Variants in UBAC2 observed in about 807,000 individuals in gnomAD.
UBAC2 encodes ubiquitin-associated domain-containing protein 2.
A neutral mutation model predicts 44.0 loss-of-function variants in UBAC2; 26 were observed. The ratio of observed to expected loss-of-function variants is 0.59; its 90% confidence interval spans 0.43 to 0.82. The LOEUF (loss-of-function observed/expected upper bound fraction) is 0.82. UBAC2 is among the 40% of genes least tolerant of loss of function. The pLI, the probability that UBAC2 is intolerant of heterozygous loss-of-function variation, is 0.00. For synonymous variants in UBAC2, 155 were observed against 154.3 expected (o/e 1.00, Z -0.04); for missense variants, 329 against 419.4 (o/e 0.78, Z 1.88).
At chr13:99,273,793 A>C (rs1167633246) in intron 4 of UBAC2, among the ~76,000 whole-genome samples, 3 of 146,516 alleles carry the variant, frequency 2.0e-5, no homozygotes, top group African/African-American at 7.6e-5. Context: ...CTCCTCTTCC[A>C]TTTTTCTCAG....
chr13:99,254,999 GTT>G, intron 4 of UBAC2: 1 of 1,614,144 alleles, frequency 6.2e-7, no homozygotes, highest in South Asian at 1.1e-5. Context: ...GCCTGAAATT[GTT>G]TTGAAACGAT....
chr13:99,329,919 T>C (rs2044690813), intron 6 of UBAC2, among the ~76,000 whole-genome samples: 1 of 152,222 alleles, frequency 6.6e-6, no homozygotes, highest in African/African-American at 2.4e-5. Flanking sequence ...GGTAATTTGT[T>C]GCTCAGTAAT....
chr13:99,361,940 G>A (rs1016482294), intron 7 of UBAC2, among the ~76,000 whole-genome samples: 7 of 152,146 alleles, frequency 4.6e-5, no homozygotes, highest in African/African-American at 1.7e-4. Context: ...GGACTGCAGT[G>A]CGCCATGATT....
intron 7 of UBAC2, among the ~76,000 whole-genome samples, chr13:99,358,504 T>C (rs1225706001): frequency 6.6e-6 from 1 of 152,226 alleles, no homozygotes; most frequent in Non-Finnish European, 1.5e-5. Context: ...AAAACATGGT[T>C]ATTTTTTATT....
chr13:99,326,534 C>A (rs565429485), intron 6 of UBAC2, among the ~76,000 whole-genome samples: 3 of 152,164 alleles, frequency 2.0e-5, no homozygotes, highest in Admixed American at 1.3e-4. Context: ...TTAATATTAT[C>A]AAAAAATAAT....
chr13:99,212,986 A>T (rs1018415931), intron 1 of UBAC2, among the ~76,000 whole-genome samples: 2 of 152,202 alleles, frequency 1.3e-5, no homozygotes, highest in African/African-American at 4.8e-5. Flanking sequence ...AGTCCCACAT[A>T]ATGATTCCCA....
intron 4 of UBAC2, among the ~76,000 whole-genome samples, chr13:99,285,063 A>G (rs1385819625): frequency 2.6e-5 from 4 of 152,232 alleles, no homozygotes; most frequent in Middle Eastern, 3.4e-3. Flanking sequence ...ATAATATCAT[A>G]TTTCATATTT....
intron 4 of UBAC2, among the ~76,000 whole-genome samples, chr13:99,259,345 C>CTTT (rs34537761): frequency 7.1e-6 from 1 of 141,016 alleles, no homozygotes. Context: ...GGGGTCCATC[C>CTTT]TTTTTTTTTT....
chr13:99,323,970 C>T (rs903626584), intron 6 of UBAC2, among the ~76,000 whole-genome samples: 2 of 152,152 alleles, frequency 1.3e-5, no homozygotes, highest in Non-Finnish European at 1.5e-5. Context: ...TTTATTATTG[C>T]AACTTATGTT....
chr13:99,378,670 G>C (rs1483466986), intron 8 of UBAC2, among the ~76,000 whole-genome samples: 6 of 152,214 alleles, frequency 3.9e-5, no homozygotes, highest in Admixed American at 3.9e-4. Context: ...TCACCACCTT[G>C]TTCGTCATCA....
intron 6 of UBAC2, among the ~76,000 whole-genome samples, chr13:99,338,071 T>TTA (rs1566509624): frequency 1.7e-3 from 180 of 105,018 alleles, no homozygotes; most frequent in Non-Finnish European, 2.6e-3. Context: ...TTTTTTTTTT[T>TTA]TTTTGAGACA....
chr13:99,242,545 G>T (rs1193015233), intron 2 of UBAC2, among the ~76,000 whole-genome samples: 3 of 129,722 alleles, frequency 2.3e-5, no homozygotes, highest in African/African-American at 5.8e-5. Flanking sequence ...GCGGCTGTCC[G>T]GGCAGAGGGG....
intron 7 of UBAC2, among the ~76,000 whole-genome samples, chr13:99,363,412 A>G (rs1251657051): frequency 6.6e-6 from 1 of 152,260 alleles, no homozygotes; most frequent in African/African-American, 2.4e-5. Flanking sequence ...GAATAATAAT[A>G]GGAATCTGAC....
chr13:99,244,201 T>C (rs1454339869), intron 3 of UBAC2, among the ~76,000 whole-genome samples: 2 of 152,204 alleles, frequency 1.3e-5, no homozygotes, highest in Non-Finnish European at 2.9e-5. Flanking sequence ...ATTTTAATAC[T>C]TTGACTTTAA....
In UBAC2 at chr13:99,330,458, C is replaced by CAA. The variant is rs59409181; in HGVS notation, c.562-9845_562-9844dup. 9.1e-4 allele frequency among the ~76,000 whole-genome samples: 42 copies of CAA among 46,044 alleles called. 3 individuals carry two copies. The highest frequency in any genetic ancestry group is 1.4e-3 in the Admixed American group (4 of 2,912). 30.2% of individuals were successfully genotyped at this position (46,044 alleles called of 152,430 possible). A position where few individuals can be genotyped will look rare whatever the true frequency, so the allele number is the denominator to read the frequency against. Reference sequence around the variant, plus strand: ...TGGGTGACAGAGTGAGACGTCATCTCAAAAAAAAAAAAAAAAAAGAAATAC... The same window carrying CAA: ...TGGGTGACAGAGTGAGACGTCATCTCAAAAAAAAAAAAAAAAAAAAGAAATAC... On this transcript the variant is annotated intron_variant, in intron 6 of 8. Coordinates refer to ENST00000403766, the MANE Select transcript of UBAC2 (RefSeq NM_001144072.2).
At chr13:99,235,235 T>C (rs938849583) in intron 1 of UBAC2, among the ~76,000 whole-genome samples, 1 of 152,144 alleles carries the variant, frequency 6.6e-6, no homozygotes, top group Non-Finnish European at 1.5e-5. Context: ...AGATGTGCAA[T>C]ATATGTGCAA....
chr13:99,220,259 T>G (rs533563597), intron 1 of UBAC2, among the ~76,000 whole-genome samples: 1 of 152,326 alleles, frequency 6.6e-6, no homozygotes, highest in East Asian at 1.9e-4. Flanking sequence ...CTCTACTAAC[T>G]AGCTGTGACC....
intron 1 of UBAC2, among the ~76,000 whole-genome samples, chr13:99,216,834 C>CTTTTTTTTTTTTTTT (rs11338165): frequency 1.1e-4 from 16 of 140,622 alleles, no homozygotes; most frequent in African/African-American, 3.5e-4. Context: ...TTTCTTTTTT[C>CTTTTTTTTTTTTTTT]TTTTTTTTTT....
intron 4 of UBAC2, among the ~76,000 whole-genome samples, chr13:99,303,023 G>GA (rs1160387367): frequency 6.6e-6 from 1 of 151,528 alleles, no homozygotes; most frequent in Non-Finnish European, 1.5e-5. Context: ...GCCTCCTGGG[G>GA]GCTTGCTTTC....
Sources: gnomAD v4.1 joint callset for allele counts (sites outside exome capture counted in the v4.1 genomes callset) on GRCh38, gnomAD v4.1.1 for gene constraint, MANE v1.5 for transcripts, NCBI Gene and HGNC (gene_info 2026-07-23, HGNC 2026-07-21) for gene names.